PEBP4: variants seen among roughly 807,000 people sequenced by gnomAD.
PEBP4 encodes the protein phosphatidylethanolamine-binding protein 4.
A neutral mutation model predicts 23.9 loss-of-function variants in PEBP4; 22 were observed. That is an observed-to-expected ratio of 0.92 (90% CI 0.66 to 1.31). The LOEUF (loss-of-function observed/expected upper bound fraction) is 1.31. Among genes scored for constraint, PEBP4 ranks in the 40% most tolerant of loss-of-function variants. The pLI is 0.00. For synonymous variants in PEBP4, 112 were observed against 99.3 expected, an observed-to-expected ratio of 1.13 and a Z score of -0.76; for missense variants, 324 against 281.7, an observed-to-expected ratio of 1.15 and a Z score of -1.07.
chr8:22,756,074 A>T (rs1805374718), intron 4 of PEBP4: 1 of 152,258 alleles, frequency 6.6e-6, no homozygotes, highest in Admixed American at 6.5e-5. Context: ...TCAGCGGGGA[A>T]GTTGGCTACT....
At chr8:22,751,581 AGTGTGTCTGTGTGTGTGTGTGT>A (rs1267734368) in intron 4 of PEBP4, among the ~76,000 whole-genome samples, 1 of 127,506 alleles carries the variant, frequency 7.8e-6, no homozygotes, top group Admixed American at 7.8e-5. Context: ...GATAAGGAGG[AGTGTGTCTGTGTGTGTGTGTGT>A]GTGTGTCTGT....
At chr8:22,830,018 T>C (rs1263376098) in intron 3 of PEBP4, among the ~76,000 whole-genome samples, 2 of 152,168 alleles carry the variant, frequency 1.3e-5, no homozygotes, top group Non-Finnish European at 2.9e-5. Flanking sequence ...ACCCCTTCTT[T>C]ATAGCAATAC....
At chr8:22,883,616 C>G (rs1397291153) in intron 3 of PEBP4, among the ~76,000 whole-genome samples, 1 of 152,160 alleles carries the variant, frequency 6.6e-6, no homozygotes, top group African/African-American at 2.4e-5. Flanking sequence ...TCGTCTTGAA[C>G]CTTGCGTGGT....
intron 3 of PEBP4, among the ~76,000 whole-genome samples, chr8:22,866,552 A>G (rs991987522): frequency 6.6e-6 from 1 of 152,168 alleles, no homozygotes; most frequent in South Asian, 2.1e-4. Flanking sequence ...ATTTGAACCC[A>G]GACAGTCTGA....
At position 22,918,348 on chromosome 8, in the gene PEBP4, C is replaced by T. The variant is rs958298184; in HGVS notation, c.258+1836G>A. Among the ~76,000 whole-genome samples the T allele has an allele frequency of 2.6e-5, 4 of 152,310 alleles. No individual in the cohort carries two copies. In the South Asian group the frequency reaches 8.3e-4, roughly 32 times the overall value. ...TTCTTGACCACAGCTCTGTGTTCCT[C>T]ATAAATCTCTATGTTCCACATCCGT... On this transcript the variant is annotated intron_variant, in intron 3 of 6. Coordinates refer to ENST00000256404, the MANE Select transcript of PEBP4 (RefSeq NM_144962.3).
chr8:22,822,354 A>AGT (rs34500729), intron 3 of PEBP4, among the ~76,000 whole-genome samples: 77,206 of 147,706 alleles, frequency 0.52, 21,085 homozygotes, highest in East Asian at 0.78. Context: ...TATATACTAA[A>AGT]GTGTGTGTGT....
At chr8:22,889,094 C>CGGCA (rs1190099315) in intron 3 of PEBP4, among the ~76,000 whole-genome samples, 2 of 152,250 alleles carry the variant, frequency 1.3e-5, no homozygotes, top group African/African-American at 4.8e-5. Context: ...ACCAGGCTTA[C>CGGCA]TGCCGGGCAC....
chr8:22,902,879 C>T (rs1008564413), intron 3 of PEBP4, among the ~76,000 whole-genome samples: 1 of 152,220 alleles, frequency 6.6e-6, no homozygotes, highest in African/African-American at 2.4e-5. Context: ...ACAGAAGCTC[C>T]AAACTCAGGG....
chr8:22,799,684 C>T (rs576662842), intron 4 of PEBP4, among the ~76,000 whole-genome samples: 2 of 152,324 alleles, frequency 1.3e-5, no homozygotes, highest in African/African-American at 4.8e-5. Flanking sequence ...GGTATATCTC[C>T]TAATGCTATC....
At chr8:22,856,298 T>C (rs924270198) in intron 3 of PEBP4, among the ~76,000 whole-genome samples, 1 of 152,166 alleles carries the variant, frequency 6.6e-6, no homozygotes, top group African/African-American at 2.4e-5. Context: ...AGGGTACTAT[T>C]TTTTACTTGT....
At chr8:22,934,903 T>G (rs1001200651) in intron 1 of PEBP4, among the ~76,000 whole-genome samples, 1 of 151,956 alleles carries the variant, frequency 6.6e-6, no homozygotes, top group Non-Finnish European at 1.5e-5. Context: ...AGGACACAAA[T>G]AGATTGAAAG....
intron 2 of PEBP4, among the ~76,000 whole-genome samples, chr8:22,921,876 A>G (rs1809208476): frequency 6.6e-6 from 1 of 152,246 alleles, no homozygotes; most frequent in African/African-American, 2.4e-5. Flanking sequence ...TGCGAGGCAG[A>G]GAGGGGACCC....
chr8:22,863,856 T>A (rs1358805555), intron 3 of PEBP4, among the ~76,000 whole-genome samples: 3 of 152,306 alleles, frequency 2.0e-5, no homozygotes, highest in Admixed American at 2.0e-4. Flanking sequence ...GATGTGTCAC[T>A]CTGGATCTCC....
At chr8:22,837,209 C>A (rs972549767) in intron 3 of PEBP4, among the ~76,000 whole-genome samples, 1 of 152,196 alleles carries the variant, frequency 6.6e-6, no homozygotes, top group African/African-American at 2.4e-5. Context: ...GCCTCTATTT[C>A]GATAGCATCC....
chr8:22,835,910 G>A (rs1807196464), intron 3 of PEBP4, among the ~76,000 whole-genome samples: 1 of 152,352 alleles, frequency 6.6e-6, no homozygotes, highest in African/African-American at 2.4e-5. Context: ...AGCTCCCTGG[G>A]GCTCCATCCT....
chr8:22,757,522 C>T (rs1308149095), intron 4 of PEBP4: 2 of 152,230 alleles, frequency 1.3e-5, no homozygotes, highest in African/African-American at 4.8e-5. Flanking sequence ...GGGTGGGGAT[C>T]GTTAACTCTG....
chr8:22,781,417 T>C (rs969777763), intron 4 of PEBP4, among the ~76,000 whole-genome samples: 1 of 152,036 alleles, frequency 6.6e-6, no homozygotes, highest in African/African-American at 2.4e-5. Flanking sequence ...GGGATCGCTT[T>C]ACATAACCAG....
At chr8:22,897,412 G>C (rs1361425989) in intron 3 of PEBP4, among the ~76,000 whole-genome samples, 1 of 152,170 alleles carries the variant, frequency 6.6e-6, no homozygotes, top group Non-Finnish European at 1.5e-5. Context: ...ACACTATGTG[G>C]AGTACTGAGG....
intron 4 of PEBP4, among the ~76,000 whole-genome samples, chr8:22,795,650 C>A (rs1341023275): frequency 6.6e-6 from 1 of 152,130 alleles, no homozygotes; most frequent in African/African-American, 2.4e-5. Flanking sequence ...AATAAAAATT[C>A]CTTTTTGGTC....
Sources: gnomAD v4.1 joint callset for allele counts (sites outside exome capture counted in the v4.1 genomes callset) on GRCh38, gnomAD v4.1.1 for gene constraint, MANE v1.5 for transcripts, NCBI Gene and HGNC (gene_info 2026-07-23, HGNC 2026-07-21) for gene names.